The following DPF3 variants were observed in gnomAD, a reference collection of about 807,000 sequenced individuals.
The protein encoded by DPF3 is double PHD fingers 3, also known as zinc finger protein DPF3.
A neutral mutation model predicts 56.8 loss-of-function variants in DPF3; 18 were observed. That is an observed-to-expected ratio of 0.32 (90% CI 0.22 to 0.47). The LOEUF is 0.47. Among genes scored for constraint, DPF3 ranks in the 20% least tolerant of loss-of-function variants. DPF3 has a pLI of 1.00. For synonymous variants in DPF3, 188 were observed against 180.2 expected, an observed-to-expected ratio of 1.04 and a Z score of -0.35; for missense variants, 403 against 488.8, an observed-to-expected ratio of 0.82 and a Z score of 1.65.
intron 8 of DPF3, among the ~76,000 whole-genome samples, chr14:72,660,096 A>T (rs984531733): frequency 3.9e-5 from 6 of 152,190 alleles, no homozygotes; most frequent in Non-Finnish European, 8.8e-5. Context: ...CAGTTGGAGA[A>T]GATGAAAAAA....
intron 1 of DPF3, among the ~76,000 whole-genome samples, chr14:72,869,980 C>G (rs1469978242): frequency 1.3e-5 from 2 of 152,080 alleles, no homozygotes; most frequent in Non-Finnish European, 2.9e-5. Context: ...AGACCCATGC[C>G]CATTCAAGGG....
At chr14:72,760,234 G>A (rs1012543481) in intron 2 of DPF3, among the ~76,000 whole-genome samples, 3 of 152,148 alleles carry the variant, frequency 2.0e-5, no homozygotes, top group Non-Finnish European at 4.4e-5. Context: ...AATTTGGGAG[G>A]CCAAGGCAGG....
intron 1 of DPF3, among the ~76,000 whole-genome samples, chr14:72,789,105 G>A (rs1231609724): frequency 6.6e-6 from 1 of 152,126 alleles, no homozygotes; most frequent in Non-Finnish European, 1.5e-5. Context: ...TTCTTTAAAC[G>A]CACGTTGCAG....
chr14:72,823,594 C>G (rs1199617582), intron 1 of DPF3, among the ~76,000 whole-genome samples: 1 of 152,162 alleles, frequency 6.6e-6, no homozygotes, highest in Non-Finnish European at 1.5e-5. Context: ...GGGAATCTTC[C>G]ATTTCCAAGA....
intron 9 of DPF3, among the ~76,000 whole-genome samples, chr14:72,625,827 C>G (rs537975682): frequency 4.6e-5 from 7 of 152,282 alleles, no homozygotes; most frequent in African/African-American, 1.4e-4. Context: ...AGCCTTCCCC[C>G]CTTTATTTGG....
chr14:72,869,287 G>A (rs928442560), intron 1 of DPF3, among the ~76,000 whole-genome samples: 4 of 152,116 alleles, frequency 2.6e-5, no homozygotes, highest in African/African-American at 9.7e-5. Flanking sequence ...GTGATTATAT[G>A]ATTAACATCT....
chr14:72,871,097 G>A (rs1027433913), intron 1 of DPF3, among the ~76,000 whole-genome samples: 1 of 152,220 alleles, frequency 6.6e-6, no homozygotes, highest in African/African-American at 2.4e-5. Context: ...GTCAGATCTT[G>A]TAAGACTTAC....
chr14:72,854,642 A>G (rs1281472702), intron 1 of DPF3, among the ~76,000 whole-genome samples: 2 of 152,228 alleles, frequency 1.3e-5, no homozygotes, highest in Non-Finnish European at 2.9e-5. Flanking sequence ...TATAGTTGTC[A>G]TCAGCAAATC....
At chr14:72,872,553 C>T (rs193032003) in intron 1 of DPF3, among the ~76,000 whole-genome samples, 16 of 152,246 alleles carry the variant, frequency 1.1e-4, no homozygotes, top group South Asian at 6.2e-4. Context: ...ACTTTCTTCA[C>T]GGAATTGGAA....
chr14:72,871,589 G>C (rs967636868), intron 1 of DPF3, among the ~76,000 whole-genome samples: 1 of 152,216 alleles, frequency 6.6e-6, no homozygotes, highest in African/African-American at 2.4e-5. Flanking sequence ...GCTGATGCAA[G>C]AGCTGGGTCC....
intron 1 of DPF3, among the ~76,000 whole-genome samples, chr14:72,790,688 CA>C (rs775859503): frequency 6.6e-6 from 1 of 152,120 alleles, no homozygotes; most frequent in Non-Finnish European, 1.5e-5. Flanking sequence ...CCCATTCTGT[CA>C]GTCCCCCTGA....
intron 1 of DPF3, among the ~76,000 whole-genome samples, chr14:72,872,223 C>T (rs1885928604): frequency 6.6e-6 from 1 of 152,174 alleles, no homozygotes; most frequent in African/African-American, 2.4e-5. Flanking sequence ...CCTGGGCACC[C>T]ACGAAACTTC....
intron 7 of DPF3, chr14:72,679,261 G>A (rs893390314): frequency 1.1e-4 from 16 of 152,264 alleles, no homozygotes; most frequent in Non-Finnish European, 1.3e-4. Context: ...ACAGCCACTC[G>A]TCTGGGTTCT....
At chr14:72,756,265 T>C (rs1309745084) in intron 2 of DPF3, among the ~76,000 whole-genome samples, 1 of 152,208 alleles carries the variant, frequency 6.6e-6, no homozygotes, top group African/African-American at 2.4e-5. Flanking sequence ...TTCCTGCCCA[T>C]GTGTAAGCAC....
At chr14:72,756,906 A>AGAAAG (rs1890844241) in intron 2 of DPF3, among the ~76,000 whole-genome samples, 1 of 74,660 alleles carries the variant, frequency 1.3e-5, no homozygotes, top group South Asian at 5.4e-4. Flanking sequence ...AGAAAAGAAA[A>AGAAAG]AAAGAAAGAA....
intron 1 of DPF3, among the ~76,000 whole-genome samples, chr14:72,794,118 T>C (rs1892547218): frequency 6.6e-6 from 1 of 152,260 alleles, no homozygotes; most frequent in Non-Finnish European, 1.5e-5. Context: ...GCTTACTTGC[T>C]GTCTGAGCTG....
At chr14:72,757,087 A>G (rs1378355490) in intron 2 of DPF3, among the ~76,000 whole-genome samples, 1 of 103,274 alleles carries the variant, frequency 9.7e-6, no homozygotes, top group Admixed American at 1.1e-4. Flanking sequence ...GGAAGGAAGG[A>G]AGGGAGGAAG....
intron 8 of DPF3, among the ~76,000 whole-genome samples, chr14:72,664,432 T>C (rs1418354609): frequency 1.3e-5 from 2 of 152,110 alleles, no homozygotes; most frequent in Non-Finnish European, 2.9e-5. Flanking sequence ...CATTTTCTCT[T>C]TTGTTTCCTC....
At chr14:72,880,122 G>A (rs1319223160) in intron 1 of DPF3, among the ~76,000 whole-genome samples, 2 of 152,190 alleles carry the variant, frequency 1.3e-5, no homozygotes, top group Admixed American at 6.5e-5. Flanking sequence ...GAGCATTCCA[G>A]TATAAGCAGA....
Sources: allele counts gnomAD v4.1 joint callset (sites outside exome capture counted in the v4.1 genomes callset), GRCh38; gene constraint gnomAD v4.1.1; transcripts MANE v1.5; gene names NCBI Gene and HGNC (gene_info 2026-07-23, HGNC 2026-07-21).